Variants in ADCY5 observed in about 807,000 individuals in gnomAD.
ADCY5 encodes the protein adenylate cyclase 5, also known as adenylate cyclase type 5.
In ADCY5, 30 loss-of-function variants were observed where a neutral mutation model predicts 119.7. The ratio of observed to expected loss-of-function variants is 0.25; its 90% CI spans 0.19 to 0.34. The LOEUF is 0.34. Among genes scored for constraint, ADCY5 ranks in the 10% least tolerant of loss-of-function variants. The pLI, the probability that ADCY5 is intolerant of heterozygous loss-of-function variation, is 1.00. For synonymous variants in ADCY5, 753 were observed against 762.2 expected (o/e 0.99, Z 0.20); for missense variants, 1,324 against 1,775.2 (o/e 0.75, Z 4.57).
intron 10 of ADCY5, 88 bp from the exon 11 acceptor site, chr3:123,318,205 AC>A: frequency 6.1e-6 from 6 of 986,600 alleles, no homozygotes; most frequent in Non-Finnish European, 9.4e-6. Flanking sequence ...CAGGGAAGCC[AC>A]TCATGGCTGG....
Position 123,314,339 on chromosome 3 carries a change from G to T in ADCY5, c.2355-17C>A. 6.3e-7 allele frequency: 1 copy of T among 1,598,906 alleles called. No individual in the cohort carries two copies. The highest frequency in any genetic ancestry group is 8.6e-7 in the Non-Finnish European group (1 of 1,168,110). On this transcript the variant is annotated splice_polypyrimidine_tract_variant and intron_variant, in intron 11 of 20. Coordinates refer to ENST00000462833, the MANE Select transcript of ADCY5 (RefSeq NM_183357.3). The stretch of plus-strand genomic sequence containing the variant: ...AATATGGAGCTGGAAGGAGAGAGGA[G>T]GGGAGGGAGAAGCCAGGCTCAGGTG...
chr3:123,325,044 G>A (rs1349693451), intron 8 of ADCY5, among the ~76,000 whole-genome samples: 1 of 152,334 alleles, frequency 6.6e-6, no homozygotes, highest in East Asian at 1.9e-4. Flanking sequence ...CCTGCTTCCA[G>A]GCTGTGCCGC....
rs1004076069 is a variant in ADCY5 at position 123,412,045 on chromosome 3, G to C, written c.1134+35367C>G. On this transcript the variant is annotated intron_variant, in intron 1 of 20. Coordinates refer to ENST00000462833, the MANE Select transcript of ADCY5 (RefSeq NM_183357.3). ...GCTCTGCCGGCATCCAGGAGCTCAG[G>C]ATGCCTGCCCTCTCCTTTTGAGAAG... Among the ~76,000 whole-genome samples, 5 of 152,184 alleles carry C rather than the reference G, an allele frequency of 3.3e-5. No homozygotes were observed. The South Asian group carries it at 1.0e-3, about 32-fold the overall frequency.
chr3:123,388,267 A>G (rs1447498134), intron 1 of ADCY5, among the ~76,000 whole-genome samples: 1 of 152,148 alleles, frequency 6.6e-6, no homozygotes, highest in Non-Finnish European at 1.5e-5. Flanking sequence ...CGGAGGTTGG[A>G]GGAATGGAGG....
chr3:123,284,227 C>T lies in ADCY5; in HGVS notation c.*381G>A, dbSNP rs751624035. On this transcript the variant is annotated 3_prime_UTR_variant, in exon 21 of 21. Transcript: ENST00000462833. ...GGCTCTCCCAGGCCACATTCGAGCC[C>T]GTCTACCCCCAGCTGAGTCGGAGGC... 8 of 188,978 alleles carry T rather than the reference C, an allele frequency of 4.2e-5. No homozygotes were observed. Among genetic ancestry groups the T allele is most frequent in the Non-Finnish European group, 8.8e-5 (8 of 90,916 alleles). The allele number at this position is 188,978 out of a possible 1,614,324, so 11.7% of individuals were successfully genotyped here.
At chr3:123,389,196 C>G (rs1229018362) in intron 1 of ADCY5, among the ~76,000 whole-genome samples, 1 of 152,116 alleles carries the variant, frequency 6.6e-6, no homozygotes, top group Non-Finnish European at 1.5e-5. Context: ...GGAAGTTTAT[C>G]TGCAAAAACA....
intron 19 of ADCY5, among the ~76,000 whole-genome samples, chr3:123,287,403 T>C (rs1300018807): frequency 1.3e-5 from 2 of 152,170 alleles, no homozygotes; most frequent in Non-Finnish European, 2.9e-5. Flanking sequence ...TCCTGAAGCG[T>C]TCTCTCTCCT....
intron 1 of ADCY5, chr3:123,368,051 G>A (rs1015817359): frequency 3.4e-6 from 5 of 1,461,668 alleles, no homozygotes; most frequent in Non-Finnish European, 4.5e-6. Flanking sequence ...GATTGCCTGG[G>A]GGAGAGAGGC....
intron 12 of ADCY5, among the ~76,000 whole-genome samples, chr3:123,311,791 G>C (rs1043627381): frequency 7.2e-5 from 11 of 152,134 alleles, no homozygotes; most frequent in Admixed American, 5.9e-4. Flanking sequence ...GTGTGGGACT[G>C]GGGGGACAGT....
At chr3:123,440,791 A>T (rs1945709233) in intron 1 of ADCY5, among the ~76,000 whole-genome samples, 1 of 152,188 alleles carries the variant, frequency 6.6e-6, no homozygotes, top group East Asian at 1.9e-4. Context: ...TCAAAAGGTG[A>T]GCCACAGATT....
At chr3:123,409,113 T>C (rs774469625) in intron 1 of ADCY5, among the ~76,000 whole-genome samples, 2 of 152,244 alleles carry the variant, frequency 1.3e-5, no homozygotes, top group Non-Finnish European at 2.9e-5. Flanking sequence ...TATAAAATTA[T>C]CTATACAGGC....
intron 1 of ADCY5, among the ~76,000 whole-genome samples, chr3:123,409,915 C>T (rs1234321451): frequency 6.6e-6 from 1 of 152,202 alleles, no homozygotes; most frequent in Non-Finnish European, 1.5e-5. Context: ...AATTAACTTG[C>T]CCTCTCTCGT....
At chr3:123,340,508 A>G (rs542550181) in intron 3 of ADCY5, among the ~76,000 whole-genome samples, 1 of 152,258 alleles carries the variant, frequency 6.6e-6, no homozygotes, top group East Asian at 1.9e-4. Flanking sequence ...TAGCCGGGCA[A>G]ATTCAACTGG....
In ADCY5 at chr3:123,297,185, C is replaced by T. The variant is rs113535810; in HGVS notation, c.2930+168G>A. ...GAAAGTGACCAGGGCCTCTGCCCCCCGAGGACGCCTTGCTACCCCAGGAGG... is the reference window on the plus strand; with the variant it reads ...GAAAGTGACCAGGGCCTCTGCCCCCTGAGGACGCCTTGCTACCCCAGGAGG... On this transcript the variant is annotated intron_variant, in intron 16 of 20. Transcript: ENST00000462833. 5.6e-4 allele frequency: 752 copies of T among 1,336,596 alleles called. 3 individuals are homozygous for T. The African/African-American group carries it at 6.7e-3, about 12-fold the overall frequency. 82.8% of individuals were successfully genotyped at this position (1,336,596 alleles called of 1,614,324 possible).
intron 8 of ADCY5, among the ~76,000 whole-genome samples, chr3:123,322,891 C>T (rs1232744800): frequency 6.6e-6 from 1 of 152,224 alleles, no homozygotes; most frequent in South Asian, 2.1e-4. Flanking sequence ...CTCACTACTT[C>T]GCGCTCCCAG....
At chr3:123,403,223 T>C (rs1207292386) in intron 1 of ADCY5, among the ~76,000 whole-genome samples, 2 of 151,864 alleles carry the variant, frequency 1.3e-5, no homozygotes, top group African/African-American at 2.4e-5. Context: ...CTACAAAAGA[T>C]ACAAAAACTA....
At position 123,396,759 on chromosome 3, in the gene ADCY5, AAGGAAGGAAGGAAGGAAGGAAGGCAGGC is replaced by A. The variant is rs1286417902; in HGVS notation, c.1135-44206_1135-44179del. ...GAAGGAAGGAAGGAAGGAAGGAAGG[AAGGAAGGAAGGAAGGAAGGAAGGCAGGC>A]AGGCAGGCAGGCAGGCAGGCAGGCA... On this transcript the variant is annotated intron_variant, in intron 1 of 20. Coordinates refer to ENST00000462833, the MANE Select transcript of ADCY5 (RefSeq NM_183357.3). 9.8e-3 allele frequency among the ~76,000 whole-genome samples: 932 copies of A among 95,310 alleles called. 5 individuals carry two copies. The highest frequency in any genetic ancestry group is 0.014 in the Non-Finnish European group (625 of 46,234). The allele number at this position is 95,310 out of a possible 152,430, so 62.5% of individuals were successfully genotyped here. A position where few individuals can be genotyped will look rare whatever the true frequency, so the allele number is the denominator to read the frequency against.
intron 1 of ADCY5, among the ~76,000 whole-genome samples, chr3:123,435,107 A>T (rs1310341842): frequency 6.6e-6 from 1 of 152,124 alleles, no homozygotes; most frequent in Non-Finnish European, 1.5e-5. Context: ...CAACATAGTG[A>T]GACTCCATCT....
intron 15 of ADCY5, among the ~76,000 whole-genome samples, chr3:123,297,705 C>T (rs1290422893): frequency 6.6e-6 from 1 of 152,232 alleles, no homozygotes; most frequent in Non-Finnish European, 1.5e-5. Context: ...ATCCAGAGGG[C>T]GTGGAGGAGA....
Sources: allele counts gnomAD v4.1 joint callset (sites outside exome capture counted in the v4.1 genomes callset), GRCh38; gene constraint gnomAD v4.1.1; transcripts MANE v1.5; gene names NCBI Gene and HGNC (gene_info 2026-07-23, HGNC 2026-07-21).